The following GLG1 variants were observed in gnomAD, a reference collection of about 807,000 sequenced individuals.
The protein encoded by GLG1 is golgi glycoprotein 1, also known as Golgi apparatus protein 1.
A neutral mutation model predicts 160.5 loss-of-function variants in GLG1; 38 were observed. The ratio of observed to expected loss-of-function variants is 0.24; its 90% CI spans 0.18 to 0.31. The LOEUF (loss-of-function observed/expected upper bound fraction) is 0.31. GLG1 is among the 10% of genes least tolerant of loss of function. The probability of loss-of-function intolerance (pLI) is 1.00; values close to 1 mark genes in which losing one functional copy is unlikely to be tolerated. For missense variants in GLG1, 1,373 were observed against 1,505.2 expected, an observed-to-expected ratio of 0.91 and a Z score of 1.45; for synonymous variants, 644 against 543.4, an observed-to-expected ratio of 1.19 and a Z score of -2.57.
chr16:74,584,977 T>C (rs939539347), intron 1 of GLG1, among the ~76,000 whole-genome samples: 53 of 151,980 alleles, frequency 3.5e-4, no homozygotes, highest in African/African-American at 1.2e-3. Context: ...GAGTAATGGG[T>C]GGACCAAAAT....
chr16:74,508,663 T>A (rs749854212), intron 3 of GLG1, among the ~76,000 whole-genome samples, 176 bp downstream of exon 3: 4 of 152,118 alleles, frequency 2.6e-5, no homozygotes, highest in Admixed American at 6.6e-5. Context: ...AATGTAAGCG[T>A]AGGTGGACAT....
At chr16:74,490,895 G>T (rs886306862) in intron 8 of GLG1, 106 bp downstream of exon 8, 8 of 748,858 alleles carry the variant, frequency 1.1e-5, no homozygotes, top group Non-Finnish European at 1.9e-5. Context: ...AATGTTCAAT[G>T]TGATACCACA....
At chr16:74,537,707 G>A (rs1327310331) in intron 1 of GLG1, among the ~76,000 whole-genome samples, 1 of 145,932 alleles carries the variant, frequency 6.9e-6, no homozygotes, top group African/African-American at 2.6e-5. Flanking sequence ...AATCTGAGAT[G>A]TGGAATTTAA....
chr16:74,593,956 G>C (rs1228929745), intron 1 of GLG1, among the ~76,000 whole-genome samples: 2 of 151,578 alleles, frequency 1.3e-5, no homozygotes, highest in Non-Finnish European at 2.9e-5. Context: ...GCCCAGGCTA[G>C]AGTGCAATGG....
At chr16:74,456,296 C>G (rs1429838661) in intron 25 of GLG1, among the ~76,000 whole-genome samples, 11 of 152,220 alleles carry the variant, frequency 7.2e-5, no homozygotes, top group African/African-American at 2.4e-4. Context: ...GGCTCACGGG[C>G]AGCCAAGGAA....
At chr16:74,598,621 G>A (rs1359472862) in intron 1 of GLG1, among the ~76,000 whole-genome samples, 5 of 151,916 alleles carry the variant, frequency 3.3e-5, no homozygotes, top group East Asian at 1.9e-4. Flanking sequence ...GGCCGGGCGC[G>A]GTGGCTCACG....
rs141450664 is a variant in GLG1 at position 74,452,222 on chromosome 16, C to T, written c.*945G>A. The T allele has an allele frequency of 1.6e-5, 25 of 1,551,842 alleles. No individual in the cohort carries two copies. In the South Asian group the frequency reaches 2.1e-4, roughly 13 times the overall value. On this transcript the variant is annotated 3_prime_UTR_variant, in exon 26 of 26. Transcript: ENST00000422840. Reference sequence around the variant, plus strand: ...CCATCTTCAAGGACCCCTCCCGCCACAGTCCTGCCTCCTGATGAAGCGCAG... The same window carrying T: ...CCATCTTCAAGGACCCCTCCCGCCATAGTCCTGCCTCCTGATGAAGCGCAG...
chr16:74,458,002 G>C lies in GLG1; in HGVS notation c.3145-8C>G. 1 of 1,613,584 alleles carries C rather than the reference G, an allele frequency of 6.2e-7. No individual in the cohort carries two copies. The highest frequency in any genetic ancestry group is 1.7e-4 in the Middle Eastern group (1 of 6,058). On this transcript the variant is annotated splice_polypyrimidine_tract_variant and splice_region_variant and intron_variant, in intron 23 of 25. Coordinates refer to ENST00000422840, the MANE Select transcript of GLG1 (RefSeq NM_001145667.2). ...CAGCATGTTTAGCACTTCCTGGAAA[G>C]GGAGGGTCATTGCAGACAGAGCTTT...
intron 6 of GLG1, among the ~76,000 whole-genome samples, chr16:74,493,988 A>T (rs1241842802): frequency 2.6e-5 from 4 of 152,082 alleles, no homozygotes; most frequent in Non-Finnish European, 5.9e-5. Flanking sequence ...CAGCTTGGCC[A>T]ACATGGTGAA....
chr16:74,448,396 C>T lies in GLG1; in HGVS notation c.*4771G>A, dbSNP rs995229575. Reference sequence around the variant, plus strand: ...GCACCAGATGCTGCATTTTACAAAACCACTTAGGTGCTGCCCAAATGGTGA... The same window carrying T: ...GCACCAGATGCTGCATTTTACAAAATCACTTAGGTGCTGCCCAAATGGTGA... On this transcript the variant is annotated 3_prime_UTR_variant, in exon 26 of 26. Coordinates refer to ENST00000422840, the MANE Select transcript of GLG1 (RefSeq NM_001145667.2). 1.3e-5 allele frequency: 2 copies of T among 152,196 alleles called. No individual in the cohort carries two copies. The allele number at this position is 152,196 out of a possible 1,614,324, so 9.4% of individuals were successfully genotyped here.
At chr16:74,534,190 C>T (rs2017622502) in intron 1 of GLG1, among the ~76,000 whole-genome samples, 1 of 151,878 alleles carries the variant, frequency 6.6e-6, no homozygotes, top group Admixed American at 6.6e-5. Context: ...TACTTTAATG[C>T]CTTTTTAAGG....
intron 1 of GLG1, among the ~76,000 whole-genome samples, chr16:74,575,452 T>G (rs2018975660): frequency 6.6e-6 from 1 of 152,326 alleles, no homozygotes; most frequent in East Asian, 1.9e-4. Context: ...TTAGAATCAA[T>G]AAGACATCAC....
At chr16:74,546,928 A>G (rs2018064969) in intron 1 of GLG1, among the ~76,000 whole-genome samples, 1 of 151,424 alleles carries the variant, frequency 6.6e-6, no homozygotes, top group African/African-American at 2.4e-5. Context: ...GAAAAGAGAG[A>G]GAAGCCTTCC....
chr16:74,583,925 A>C (rs1957991588), intron 1 of GLG1, among the ~76,000 whole-genome samples: 2 of 152,186 alleles, frequency 1.3e-5, no homozygotes, highest in African/African-American at 2.4e-5. Flanking sequence ...ATATTTACCC[A>C]AAATTTGTCA....
chr16:74,453,571 C>T (rs541352215), intron 25 of GLG1, among the ~76,000 whole-genome samples: 15 of 152,218 alleles, frequency 9.9e-5, no homozygotes, highest in African/African-American at 3.1e-4. Context: ...GTGCAGTCAC[C>T]CACAATTCCA....
At position 74,594,277 on chromosome 16, in the gene GLG1, C is replaced by T. The variant is rs143834304; in HGVS notation, c.438+12380G>A. 6.6e-3 allele frequency among the ~76,000 whole-genome samples: 1,006 copies of T among 152,162 alleles called. 3 individuals carry two copies. Among genetic ancestry groups the T allele is most frequent in the Non-Finnish European group, 0.01 (707 of 67,992 alleles). On this transcript the variant is annotated intron_variant, in intron 1 of 25. Transcript: ENST00000422840. Reference sequence around the variant, plus strand: ...TGTTTTATTTTACAAGTGTATAGATCCAGGATTCAAGTCAGCACCCATTTT... The same window carrying T: ...TGTTTTATTTTACAAGTGTATAGATTCAGGATTCAAGTCAGCACCCATTTT...
chr16:74,547,779 C>T (rs989447162), intron 1 of GLG1, among the ~76,000 whole-genome samples: 5 of 152,266 alleles, frequency 3.3e-5, no homozygotes, highest in African/African-American at 9.6e-5. Context: ...ACGTTGACAT[C>T]TGTGACAAAT....
At chr16:74,492,838 A>G (rs1377686969) in intron 7 of GLG1, 119 bp downstream of exon 7, 2 of 537,692 alleles carry the variant, frequency 3.7e-6, no homozygotes, top group Non-Finnish European at 5.9e-6. Flanking sequence ...AAAAAAAAAA[A>G]AGAAAAATAC....
intron 4 of GLG1, 92 bp downstream of exon 4, chr16:74,503,439 C>A: frequency 1.2e-6 from 1 of 828,296 alleles, no homozygotes; most frequent in Non-Finnish European, 2.1e-6. Context: ...AAGGTCACTC[C>A]AGTCCTAAAT....
Sources: gnomAD v4.1 joint callset for allele counts (sites outside exome capture counted in the v4.1 genomes callset) on GRCh38, gnomAD v4.1.1 for gene constraint, MANE v1.5 for transcripts, NCBI Gene and HGNC (gene_info 2026-07-23, HGNC 2026-07-21) for gene names.